Variants in MBOAT1 observed in about 807,000 individuals in gnomAD.
MBOAT1 encodes membrane-bound glycerophospholipid O-acyltransferase 1.
In MBOAT1, 67 loss-of-function variants were observed where a neutral mutation model predicts 64.4. The ratio of observed to expected loss-of-function variants is 1.04; its 90% CI spans 0.85 to 1.27. The LOEUF (loss-of-function observed/expected upper bound fraction) is 1.27. MBOAT1 is among the 50% of genes most tolerant of loss of function. MBOAT1 has a pLI of 0.00. For synonymous variants in MBOAT1, 229 were observed against 218.9 expected (o/e 1.05, Z -0.41); for missense variants, 563 against 604.6 (o/e 0.93, Z 0.72).
intron 4 of MBOAT1, among the ~76,000 whole-genome samples, chr6:20,139,061 A>T (rs1761088961): frequency 6.6e-6 from 1 of 152,124 alleles, no homozygotes. Flanking sequence ...TTACCAGGAC[A>T]CAGTCGTACT....
At position 20,212,413 on chromosome 6, in the gene MBOAT1, T is replaced by C. The variant is rs1464971441; in HGVS notation, c.-179A>G. On this transcript the variant is annotated 5_prime_UTR_variant, in exon 1 of 13. Transcript: ENST00000324607. Reference sequence around the variant, plus strand: ...GCGCAAACTCTCGAGGCGCAAACTCTCGAGGCGCAAACTTGGCTTTGGCGC... The same window carrying C: ...GCGCAAACTCTCGAGGCGCAAACTCCCGAGGCGCAAACTTGGCTTTGGCGC... The C allele has an allele frequency of 9.9e-6, 6 of 608,530 alleles. No homozygotes were observed. Among genetic ancestry groups the C allele is most frequent in the African/African-American group, 7.7e-5 (4 of 51,792 alleles). 37.7% of individuals were successfully genotyped at this position (608,530 alleles called of 1,614,324 possible). A position where few individuals can be genotyped will look rare whatever the true frequency, so the allele number is the denominator to read the frequency against.
intron 1 of MBOAT1, among the ~76,000 whole-genome samples, chr6:20,206,693 C>T (rs1474433980): frequency 1.3e-5 from 2 of 152,180 alleles, no homozygotes; most frequent in Non-Finnish European, 2.9e-5. Context: ...TTAGGGACCT[C>T]ATAGTCTTCT....
intron 4 of MBOAT1, among the ~76,000 whole-genome samples, chr6:20,133,913 A>G (rs1309375431): frequency 6.6e-6 from 1 of 152,148 alleles, no homozygotes; most frequent in Non-Finnish European, 1.5e-5. Flanking sequence ...CACTGACACC[A>G]TGCCTCCCTC....
chr6:20,151,047 C>T, intron 3 of MBOAT1, 138 bp downstream of exon 3: 1 of 583,836 alleles, frequency 1.7e-6, no homozygotes, highest in Non-Finnish European at 3.0e-6. Context: ...GGTTCCCCAT[C>T]CCTCCTGATA....
intron 1 of MBOAT1, among the ~76,000 whole-genome samples, chr6:20,172,515 G>A (rs1478812677): frequency 2.6e-5 from 4 of 152,138 alleles, no homozygotes; most frequent in African/African-American, 7.2e-5. Flanking sequence ...CCAAATCACA[G>A]GAGGGCCTAC....
At chr6:20,169,423 A>G (rs192206954) in intron 1 of MBOAT1, among the ~76,000 whole-genome samples, 8 of 152,368 alleles carry the variant, frequency 5.3e-5, no homozygotes, top group Non-Finnish European at 7.3e-5. Flanking sequence ...GCAGGGACCC[A>G]AAGTTTGGTG....
intron 1 of MBOAT1, among the ~76,000 whole-genome samples, chr6:20,180,758 C>T (rs1561778685): frequency 6.6e-6 from 1 of 152,174 alleles, no homozygotes; most frequent in Non-Finnish European, 1.5e-5. Context: ...ATACCAATTA[C>T]TTGATACTTT....
intron 1 of MBOAT1, among the ~76,000 whole-genome samples, chr6:20,184,449 G>T (rs1762592581): frequency 6.6e-6 from 1 of 152,152 alleles, no homozygotes; most frequent in Non-Finnish European, 1.5e-5. Flanking sequence ...AGACAGGTGG[G>T]CAAGGGACGG....
intron 4 of MBOAT1, among the ~76,000 whole-genome samples, chr6:20,131,967 C>T (rs1204216231): frequency 1.3e-5 from 2 of 152,088 alleles, no homozygotes; most frequent in South Asian, 2.1e-4. Context: ...ACTGTGGCCT[C>T]GACCTCCTGG....
Position 20,112,875 on chromosome 6 carries a change from C to T in MBOAT1, c.1209+1G>A. 6 of 1,612,658 alleles carry T rather than the reference C, an allele frequency of 3.7e-6. No individual in the cohort carries two copies. The highest frequency in any genetic ancestry group is 5.1e-6 in the Non-Finnish European group (6 of 1,179,236). ...AGACCCTAGGCCTAAAGCACACTTA[C>T]CGCTCTAGCTGCTAATGTGACAAGA... On this transcript the variant is annotated splice_donor_variant, in intron 11 of 12. Coordinates refer to ENST00000324607, the MANE Select transcript of MBOAT1 (RefSeq NM_001080480.3). LOFTEE classifies it high-confidence loss of function.
intron 7 of MBOAT1, chr6:20,125,980 A>C: frequency 3.1e-6 from 1 of 321,670 alleles, no homozygotes; most frequent in East Asian, 9.9e-5. Context: ...AATATTGACT[A>C]ATTAGAGATT....
intron 9 of MBOAT1, among the ~76,000 whole-genome samples, 188 bp downstream of exon 9, chr6:20,118,249 T>G (rs1394095313): frequency 7.1e-6 from 1 of 140,876 alleles, no homozygotes; most frequent in Non-Finnish European, 1.6e-5. Context: ...AGTAGATATC[T>G]TAAAAAAAAA....
chr6:20,167,119 G>A (rs1414487494), intron 1 of MBOAT1, among the ~76,000 whole-genome samples: 2 of 152,120 alleles, frequency 1.3e-5, no homozygotes, highest in African/African-American at 2.4e-5. Context: ...AAAGCAGAGT[G>A]TTGTCTATTA....
chr6:20,188,347 C>T (rs1762713076), intron 1 of MBOAT1, among the ~76,000 whole-genome samples: 1 of 152,088 alleles, frequency 6.6e-6, no homozygotes, highest in South Asian at 2.1e-4. Flanking sequence ...ATACTTACAC[C>T]CTAGAAAATC....
At chr6:20,136,881 T>C (rs1761011021) in intron 4 of MBOAT1, among the ~76,000 whole-genome samples, 2 of 152,256 alleles carry the variant, frequency 1.3e-5, no homozygotes, top group South Asian at 2.1e-4. Context: ...TCTTTTTCTA[T>C]ACATGTCCAC....
At chr6:20,131,722 C>T (rs1034511885) in intron 4 of MBOAT1, among the ~76,000 whole-genome samples, 2 of 152,098 alleles carry the variant, frequency 1.3e-5, no homozygotes. Flanking sequence ...TTGAAATAAA[C>T]CATTTTTATT....
At chr6:20,131,220 A>G in intron 4 of MBOAT1, 21 bp from the exon 5 acceptor site, 1 of 1,610,962 alleles carries the variant, frequency 6.2e-7, no homozygotes, top group Non-Finnish European at 8.5e-7. Flanking sequence ...GACAGAAAAT[A>G]ATCAAGATTG....
chr6:20,135,112 A>G (rs1760944471), intron 4 of MBOAT1, among the ~76,000 whole-genome samples: 2 of 152,078 alleles, frequency 1.3e-5, no homozygotes, highest in African/African-American at 4.8e-5. Flanking sequence ...CTTGTCAATC[A>G]TAGGATCCAA....
At chr6:20,201,844 A>C (rs1002213010) in intron 1 of MBOAT1, among the ~76,000 whole-genome samples, 27 of 152,282 alleles carry the variant, frequency 1.8e-4, no homozygotes, top group African/African-American at 6.5e-4. Context: ...GGCCTCTCCA[A>C]GTGCTAGGAT....
Sources: allele counts gnomAD v4.1 joint callset (sites outside exome capture counted in the v4.1 genomes callset), GRCh38; gene constraint gnomAD v4.1.1; transcripts MANE v1.5; gene names NCBI Gene and HGNC (gene_info 2026-07-23, HGNC 2026-07-21).